The following CDC42EP4 variants were observed in gnomAD, a reference collection of about 807,000 sequenced individuals.
CDC42EP4 encodes CDC42 effector protein 4.
Under a neutral mutation model 5.6 loss-of-function variants are expected in CDC42EP4, and 6 were observed. The ratio of observed to expected loss-of-function variants is 1.07; its 90% CI spans 0.59 to 2.12. The LOEUF is 2.12. Ranked by LOEUF, CDC42EP4 falls within the 30% of genes most tolerant of loss-of-function variation. The pLI is 0.00. For synonymous variants in CDC42EP4, 230 were observed against 224.2 expected (o/e 1.03, Z -0.23); for missense variants, 490 against 508.6 (o/e 0.96, Z 0.35).
At chr17:73,301,079 C>A (rs950177482) in intron 1 of CDC42EP4, among the ~76,000 whole-genome samples, 2 of 150,834 alleles carry the variant, frequency 1.3e-5, no homozygotes, top group African/African-American at 4.9e-5. Context: ...AAAAATCTGG[C>A]AAGTCCAAAT....
chr17:73,297,001 A>AAAAAAACAC lies in CDC42EP4; in HGVS notation c.-112-10390_-112-10389insGTGTTTTTT, dbSNP rs547362762. Reference sequence around the variant, plus strand: ...GTCTCAAAAAAAAAAAAAAAAAAAAAAAATACACAAGGCCAAGCGCCGTGG... The same window carrying AAAAAAACAC: ...GTCTCAAAAAAAAAAAAAAAAAAAAAAAAAAACACAAATACACAAGGCCAAGCGCCGTGG... On this transcript the variant is annotated intron_variant, in intron 1 of 1. Transcript: ENST00000335793. Among the ~76,000 whole-genome samples the AAAAAAACAC allele has an allele frequency of 2.0e-3, 123 of 61,772 alleles. 27 individuals are homozygous for AAAAAAACAC. Among genetic ancestry groups the AAAAAAACAC allele is most frequent in the Middle Eastern group, 0.019 (1 of 54 alleles). The allele number at this position is 61,772 out of a possible 152,430, so 40.5% of individuals were successfully genotyped here. A position where few individuals can be genotyped will look rare whatever the true frequency, so the allele number is the denominator to read the frequency against.
chr17:73,307,509 G>A (rs2062250119), intron 1 of CDC42EP4, among the ~76,000 whole-genome samples: 3 of 148,338 alleles, frequency 2.0e-5, no homozygotes, highest in Admixed American at 1.4e-4. Flanking sequence ...ATGCAGTGGC[G>A]CGATCTCGGC....
chr17:73,289,979 G>A (rs2062154325), intron 1 of CDC42EP4, among the ~76,000 whole-genome samples: 2 of 152,300 alleles, frequency 1.3e-5, no homozygotes, highest in East Asian at 3.9e-4. Context: ...AAGGGAAAAA[G>A]GCCAAGCTTC....
At chr17:73,297,491 A>T (rs1213762683) in intron 1 of CDC42EP4, among the ~76,000 whole-genome samples, 1 of 151,970 alleles carries the variant, frequency 6.6e-6, no homozygotes, top group Admixed American at 6.6e-5. Flanking sequence ...ATAAATAAAA[A>T]TTTAAAATAA....
chr17:73,297,732 C>G (rs2062196052), intron 1 of CDC42EP4, among the ~76,000 whole-genome samples: 1 of 151,872 alleles, frequency 6.6e-6, no homozygotes. Context: ...CATCTCAGCT[C>G]ACTGCAACCT....
At chr17:73,302,169 T>C (rs1173078929) in intron 1 of CDC42EP4, among the ~76,000 whole-genome samples, 1 of 152,162 alleles carries the variant, frequency 6.6e-6, no homozygotes, top group Non-Finnish European at 1.5e-5. Flanking sequence ...ACATATTTAA[T>C]GGCCACCCCA....
chr17:73,296,752 G>A (rs1049643558), intron 1 of CDC42EP4, among the ~76,000 whole-genome samples: 3 of 151,780 alleles, frequency 2.0e-5, no homozygotes, highest in Non-Finnish European at 4.4e-5. Flanking sequence ...GGAGGCCGAG[G>A]AGGGTGGATC....
intron 1 of CDC42EP4, among the ~76,000 whole-genome samples, chr17:73,305,031 G>C (rs2145327338): frequency 6.6e-6 from 1 of 152,282 alleles, no homozygotes; most frequent in African/African-American, 2.4e-5. Flanking sequence ...AGGTCAGCAG[G>C]AGGTGAAGGG....
intron 1 of CDC42EP4, among the ~76,000 whole-genome samples, chr17:73,293,408 T>C (rs2062170660): frequency 6.6e-6 from 1 of 151,958 alleles, no homozygotes; most frequent in Non-Finnish European, 1.5e-5. Context: ...ACACCCGGGA[T>C]TGTGGAGGGC....
chr17:73,303,681 A>T (rs74337896), intron 1 of CDC42EP4, among the ~76,000 whole-genome samples: 1 of 151,584 alleles, frequency 6.6e-6, no homozygotes, highest in Non-Finnish European at 1.5e-5. Context: ...AAAAAAAAAA[A>T]TTAATTCCCC....
chr17:73,300,288 C>T (rs2062211194), intron 1 of CDC42EP4, among the ~76,000 whole-genome samples: 1 of 152,128 alleles, frequency 6.6e-6, no homozygotes, highest in South Asian at 2.1e-4. Flanking sequence ...ATGTCTTCCC[C>T]CCACCACCCC....
rs1162635123 is a variant in CDC42EP4, at chr17:73,285,500, G to A, written c.1001C>T (p.Ala334Val). ...CTCCTTGTCTGGCTGTCTTGAGACA[G>A]CAGCCCGGGCCCTGTCCGGCCCCCG... is the stretch of plus-strand genomic sequence containing the variant. Reference protein sequence around the residue: ...AFRGPDRARAAVSRQPDKEFS... With the variant: ...AFRGPDRARAVVSRQPDKEFS... The change falls in exon 2 of 2, where the codon GCT (alanine) becomes GTT (valine). Residue 334 changes from alanine (A) to valine (V), a missense_variant. Transcript: ENST00000335793. The surrounding 1 kb of genome is among the most constrained non-coding windows in gnomAD (Gnocchi z 6.8). 3.7e-6 allele frequency: 6 copies of A among 1,601,694 alleles called. No homozygotes were observed. Among genetic ancestry groups the A allele is most frequent in the Non-Finnish European group, 5.1e-6 (6 of 1,172,624 alleles).
In CDC42EP4 at chr17:73,303,054, A is replaced by AAAAAAAAAAAT. The variant is rs1239837356; in HGVS notation, c.-113+8838_-113+8839insATTTTTTTTTT. Among the ~76,000 whole-genome samples, 261 of 122,772 alleles carry AAAAAAAAAAAT rather than the reference A, an allele frequency of 2.1e-3. 5 individuals are homozygous for AAAAAAAAAAAT. Among genetic ancestry groups the AAAAAAAAAAAT allele is most frequent in the African/African-American group, 7.8e-3 (249 of 31,770 alleles). 80.5% of individuals were successfully genotyped at this position (122,772 alleles called of 152,430 possible). A position where few individuals can be genotyped will look rare whatever the true frequency, so the allele number is the denominator to read the frequency against. ...ATCAGACTCCGTCTCAAAAAAAAAA[A>AAAAAAAAAAAT]GATAATTGGCCAGGCGCGGTGGCTC... On this transcript the variant is annotated intron_variant, in intron 1 of 1. Coordinates refer to ENST00000335793, the MANE Select transcript of CDC42EP4 (RefSeq NM_012121.5).
chr17:73,292,181 C>A (rs2062164622), intron 1 of CDC42EP4, among the ~76,000 whole-genome samples: 1 of 152,352 alleles, frequency 6.6e-6, no homozygotes, highest in East Asian at 1.9e-4. Flanking sequence ...ACACAACATG[C>A]CTCAATGCCC....
intron 1 of CDC42EP4, among the ~76,000 whole-genome samples, chr17:73,291,778 C>G (rs983882769): frequency 1.3e-5 from 2 of 152,152 alleles, no homozygotes; most frequent in African/African-American, 4.8e-5. Flanking sequence ...CCCTAGCTCT[C>G]CTGAGCCTCC....
chr17:73,300,742 T>C (rs954773206), intron 1 of CDC42EP4, among the ~76,000 whole-genome samples: 32 of 151,996 alleles, frequency 2.1e-4, no homozygotes, highest in African/African-American at 7.7e-4. Context: ...CACATAAAAA[T>C]AAACACACAA....
At chr17:73,298,732 G>T (rs114920904) in intron 1 of CDC42EP4, among the ~76,000 whole-genome samples, 2 of 152,102 alleles carry the variant, frequency 1.3e-5, no homozygotes, top group Non-Finnish European at 1.5e-5. Context: ...AGAGAAACAG[G>T]CTCCCTAATC....
At chr17:73,309,181 CTACAAAAAA>C (rs543752818) in intron 1 of CDC42EP4, among the ~76,000 whole-genome samples, 223 of 151,798 alleles carry the variant, frequency 1.5e-3, no homozygotes, top group Non-Finnish European at 2.5e-3. Context: ...AACCCCACCT[CTACAAAAAA>C]TACAAAAAAT....
chr17:73,310,082 G>C (rs1269827363), intron 1 of CDC42EP4: 1 of 152,124 alleles, frequency 6.6e-6, no homozygotes, highest in Non-Finnish European at 1.5e-5. Flanking sequence ...TATTGCCCCA[G>C]GAGCCCCTGG....
Sources: allele counts gnomAD v4.1 joint callset (sites outside exome capture counted in the v4.1 genomes callset), GRCh38; gene constraint gnomAD v4.1.1; non-coding constraint Gnocchi (gnomAD v3.1); transcripts MANE v1.5; gene names NCBI Gene and HGNC (gene_info 2026-07-23, HGNC 2026-07-21).